Variants in SLC22A14 observed in about 807,000 individuals in gnomAD.
SLC22A14 encodes organic cation transporter-like 4.
In SLC22A14, 50 loss-of-function variants were observed where a neutral mutation model predicts 53.9. The ratio of observed to expected loss-of-function variants is 0.93; its 90% CI spans 0.74 to 1.17. The LOEUF (loss-of-function observed/expected upper bound fraction) is 1.17, where lower values mean the gene tolerates loss of function less well. SLC22A14 is among the 50% of genes most tolerant of loss of function. The probability of loss-of-function intolerance (pLI) is 0.00; values close to 1 mark genes in which losing one functional copy is unlikely to be tolerated. For missense variants in SLC22A14, 671 were observed against 734.7 expected, an observed-to-expected ratio of 0.91 and a Z score of 1.00; for synonymous variants, 312 against 303.0, an observed-to-expected ratio of 1.03 and a Z score of -0.31.
chr3:38,293,864 G>A (rs974412364), intron 1 of SLC22A14, among the ~76,000 whole-genome samples: 7 of 149,448 alleles, frequency 4.7e-5, no homozygotes, highest in African/African-American at 1.5e-4. Context: ...CGCCAAACTC[G>A]CGGGCTCCAG....
intron 1 of SLC22A14, among the ~76,000 whole-genome samples, chr3:38,293,696 T>C (rs1006868267): frequency 1.3e-5 from 2 of 151,916 alleles, no homozygotes; most frequent in African/African-American, 2.4e-5. Flanking sequence ...CCTTAGTCCT[T>C]CTAGCACGCA....
In SLC22A14 at chr3:38,318,278, G is replaced by T. The variant is rs1432950055; in HGVS notation, c.*29G>T. On this transcript the variant is annotated 3_prime_UTR_variant, in exon 11 of 11. Transcript: ENST00000448498. Reference sequence around the variant, plus strand: ...AGCGGCCAAGAATGTCATTCTCAATGCCCAGATCCTGAGATTGGACCCATA... The same window carrying T: ...AGCGGCCAAGAATGTCATTCTCAATTCCCAGATCCTGAGATTGGACCCATA... 6.2e-7 allele frequency: 1 copy of T among 1,601,310 alleles called. No homozygotes were observed. Among genetic ancestry groups the T allele is most frequent in the Non-Finnish European group, 8.6e-7 (1 of 1,168,302 alleles).
chr3:38,318,423 T>A lies in SLC22A14; in HGVS notation c.*174T>A. ...AATTGAGTGGCCAAGTATGGGGTCA[T>A]GGATTCCAGGCCACAAATTCCAGGC... On this transcript the variant is annotated 3_prime_UTR_variant, in exon 11 of 11. Transcript: ENST00000448498. 1.6e-6 allele frequency: 1 copy of A among 636,314 alleles called. No individual in the cohort carries two copies. Among genetic ancestry groups the A allele is most frequent in the Non-Finnish European group, 2.8e-6 (1 of 351,204 alleles). The allele number at this position is 636,314 out of a possible 1,614,324, so 39.4% of individuals were successfully genotyped here.
rs569000716 is a variant in SLC22A14, at chr3:38,299,801, A to G, written c.1-6226A>G. On this transcript the variant is annotated intron_variant, in intron 1 of 10. Transcript: ENST00000448498. The stretch of plus-strand genomic sequence containing the variant: ...GGTGTTGAATTCCTGGGCTCAAGCA[A>G]TCCTCCTGCCTCAGCTTCCCAAAGT... 3.7e-4 allele frequency among the ~76,000 whole-genome samples: 56 copies of G among 152,302 alleles called. 1 individual carries two copies. The South Asian group carries it at 0.01, about 28-fold the overall frequency.
At chr3:38,282,035 G>C (rs1366391038), upstream of SLC22A14, among the ~76,000 whole-genome samples, 2 of 152,210 alleles carry the variant, frequency 1.3e-5, no homozygotes, top group African/African-American at 2.4e-5. Flanking sequence ...AAGGCTTGAA[G>C]GATAGTTGAT....
intron 1 of SLC22A14, among the ~76,000 whole-genome samples, chr3:38,298,588 G>T (rs1419415601): frequency 6.6e-6 from 1 of 151,966 alleles, no homozygotes; most frequent in Admixed American, 6.6e-5. Context: ...GTTTTAGACG[G>T]AGTCTTGCTC....
At chr3:38,280,293 G>A (rs191410701), upstream of SLC22A14, among the ~76,000 whole-genome samples, 52 of 152,190 alleles carry the variant, frequency 3.4e-4, no homozygotes, top group Non-Finnish European at 6.2e-4. Context: ...TCTCCGTGTC[G>A]GCCGGCCTAT....
chr3:38,313,809 C>T lies in SLC22A14; in HGVS notation c.1246C>T (p.Pro416Ser), dbSNP rs1482488848. The T allele has an allele frequency of 6.2e-7, 1 of 1,613,972 alleles. No homozygotes were observed. The highest frequency in any genetic ancestry group is 1.3e-5 in the African/African-American group (1 of 74,892). The change falls in exon 8 of 11, where the codon CCC becomes TCC. Residue 416 changes from proline (P) to serine (S), a missense_variant. Coordinates refer to ENST00000448498, the MANE Select transcript of SLC22A14 (RefSeq NM_001320033.2). ...GAGCGTCCACTTCAGACACGTGGTCCCCAGCATCATGGAGGTGCCTGCCCG... is the reference window on the plus strand; with the variant it reads ...GAGCGTCCACTTCAGACACGTGGTCTCCAGCATCATGGAGGTGCCTGCCCG... ...GVSVHFRHVV[P>S]SIMEVPARLC...
At chr3:38,312,734 A>G (rs1229477798) in intron 5 of SLC22A14, among the ~76,000 whole-genome samples, 1 of 152,226 alleles carries the variant, frequency 6.6e-6, no homozygotes, top group Non-Finnish European at 1.5e-5. Flanking sequence ...TACTGAGGGC[A>G]AATCAAGGAG....
chr3:38,306,191 C>T lies in SLC22A14; in HGVS notation c.165C>T (p.Leu55=). ...AGCAGGATGACAAGTTTGCCAACCT[C>T]CTGGATGCGGTGGGGGAGTTTGGCA... is the stretch of plus-strand genomic sequence containing the variant. The part of the protein sequence containing the change: ...HTKQDDKFAN[L]LDAVGEFGTF... Residue 55 remains leucine, a synonymous_variant, in exon 2 of 11, where the codon CTC becomes CTT. Transcript: ENST00000448498. The T allele has an allele frequency of 1.2e-6, 2 of 1,614,220 alleles. No individual in the cohort carries two copies. Among genetic ancestry groups the T allele is most frequent in the South Asian group, 2.2e-5 (2 of 91,080 alleles).
At chr3:38,283,124 C>T (rs1208358379) in intron 1 of SLC22A14, among the ~76,000 whole-genome samples, 7 of 152,086 alleles carry the variant, frequency 4.6e-5, no homozygotes, top group African/African-American at 1.7e-4. Context: ...ATCTTCAAAG[C>T]CACCGACGGC....
intron 1 of SLC22A14, among the ~76,000 whole-genome samples, chr3:38,290,462 G>T (rs1407691422): frequency 6.6e-6 from 1 of 152,206 alleles, no homozygotes; most frequent in Non-Finnish European, 1.5e-5. Flanking sequence ...AGAGGTTAAA[G>T]AGACAGGGAT....
At chr3:38,286,926 C>CG (rs1385068998) in intron 1 of SLC22A14, among the ~76,000 whole-genome samples, 1 of 150,204 alleles carries the variant, frequency 6.7e-6, no homozygotes, top group Non-Finnish European at 1.5e-5. Flanking sequence ...TACTGGAGAC[C>CG]GGGTTTCACC....
rs114767484 is a variant in SLC22A14, at chr3:38,315,670, G to T, written c.1491G>T (p.Val497=). The change falls in exon 9 of 11, where the codon GTG becomes GTT. Residue 497 remains valine, a synonymous_variant. Coordinates refer to ENST00000448498, the MANE Select transcript of SLC22A14 (RefSeq NM_001320033.2). Reference sequence around the variant, plus strand: ...TCAGCCTGGCCGCCACTGTCACTGTGTTCTTCCTCTACACCGCTGAGCTCC... The same window carrying T: ...TCAGCCTGGCCGCCACTGTCACTGTTTTCTTCCTCTACACCGCTGAGCTCC... ...REFSLAATVT[V]FFLYTAELLP... is the part of the protein sequence containing the mutation. 6.2e-7 allele frequency: 1 copy of T among 1,614,104 alleles called. No homozygotes were observed. The highest frequency in any genetic ancestry group is 1.7e-5 in the Admixed American group (1 of 60,018).
chr3:38,293,000 C>T (rs935019426), intron 1 of SLC22A14, among the ~76,000 whole-genome samples: 1 of 152,118 alleles, frequency 6.6e-6, no homozygotes, highest in African/African-American at 2.4e-5. Flanking sequence ...GAAGGCTGTG[C>T]CAGTGTCCAG....
intron 9 of SLC22A14, 151 bp from the exon 10 acceptor site, chr3:38,316,173 G>A: frequency 1.5e-6 from 1 of 681,270 alleles, no homozygotes; most frequent in Non-Finnish European, 2.5e-6. Flanking sequence ...CCTTGAAGGA[G>A]GCCCAGAAGA....
Position 38,318,208 on chromosome 3 carries a change from A to T in SLC22A14, c.1744A>T (p.Lys582Ter), listed in dbSNP as rs1389788633. 1 of 1,613,872 alleles carries T rather than the reference A, an allele frequency of 6.2e-7. No homozygotes were observed. The highest frequency in any genetic ancestry group is 1.7e-5 in the Admixed American group (1 of 60,008). ...NHSSQIRNKVKDMKTKETSSD... is the reference protein window; with the variant it reads ...NHSSQIRNKV ...TGATGGCTCTTTCAGGAATAAGGTC[A>T]AGGACATGAAGACTAAGGAAACATC... The change falls in exon 11 of 11, where the codon AAG becomes TAG. Residue 582 changes from lysine to a stop codon, truncating the protein, a stop_gained. Coordinates refer to ENST00000448498, the MANE Select transcript of SLC22A14 (RefSeq NM_001320033.2). LOFTEE classifies it low-confidence loss of function (END_TRUNC).
intron 1 of SLC22A14, among the ~76,000 whole-genome samples, chr3:38,298,302 A>G (rs570662677): frequency 1.3e-5 from 2 of 152,268 alleles, no homozygotes; most frequent in East Asian, 3.9e-4. Context: ...CATTTCTCCA[A>G]CGAACCCTGG....
intron 9 of SLC22A14, among the ~76,000 whole-genome samples, chr3:38,316,104 CCT>C (rs1268081682): frequency 1.3e-5 from 2 of 152,222 alleles, no homozygotes; most frequent in African/African-American, 4.8e-5. Flanking sequence ...CTGCCTGTGT[CCT>C]CTCCCCGCAC....
Sources: gnomAD v4.1 joint callset for allele counts (sites outside exome capture counted in the v4.1 genomes callset) on GRCh38, gnomAD v4.1.1 for gene constraint, MANE v1.5 for transcripts, NCBI Gene and HGNC (gene_info 2026-07-23, HGNC 2026-07-21) for gene names.